MRRF: variants seen among roughly 807,000 people sequenced by gnomAD.
MRRF encodes the protein mitochondrial ribosome recycling factor, also known as ribosome-recycling factor, mitochondrial.
A neutral mutation model predicts 25.1 loss-of-function variants in MRRF; 18 were observed. The observed-to-expected ratio is 0.72, with a 90% CI of 0.50 to 1.06. The LOEUF is 1.06. MRRF is among the 50% of genes least tolerant of loss of function. The probability of loss-of-function intolerance (pLI) is 0.00; values close to 1 mark genes in which losing one functional copy is unlikely to be tolerated. For missense variants in MRRF, 323 were observed against 319.3 expected, an observed-to-expected ratio of 1.01 and a Z score of -0.09; for synonymous variants, 113 against 112.1, an observed-to-expected ratio of 1.01 and a Z score of -0.05.
At chr9:122,306,772 G>A (rs1834875074) in intron 5 of MRRF, among the ~76,000 whole-genome samples, 1 of 152,174 alleles carries the variant, frequency 6.6e-6, no homozygotes, top group African/African-American at 2.4e-5. Flanking sequence ...GAGAAGACAA[G>A]TGACTTAAGA....
chr9:122,269,984 C>T (rs562185934), intron 1 of MRRF, among the ~76,000 whole-genome samples: 8 of 151,894 alleles, frequency 5.3e-5, no homozygotes, highest in Middle Eastern at 3.4e-3. Flanking sequence ...GTCTTCCTGA[C>T]GGCAAAGCCC....
intron 4 of MRRF, 188 bp downstream of exon 4, chr9:122,285,475 A>G (rs1412804837): frequency 7.9e-6 from 5 of 630,828 alleles, no homozygotes; most frequent in African/African-American, 7.3e-5. Context: ...CTCAGATGCT[A>G]CAGAGGCTAG....
intron 1 of MRRF, among the ~76,000 whole-genome samples, chr9:122,266,355 C>T (rs991095049): frequency 1.3e-5 from 2 of 152,144 alleles, no homozygotes; most frequent in African/African-American, 4.8e-5. Flanking sequence ...CCAAGGAAGC[C>T]GTCCTCTGAG....
intron 5 of MRRF, among the ~76,000 whole-genome samples, chr9:122,299,220 G>A (rs1156964474): frequency 1.3e-5 from 2 of 151,428 alleles, no homozygotes; most frequent in Non-Finnish European, 2.9e-5. Context: ...GTGAAACCCT[G>A]TCTCCACTAC....
intron 3 of MRRF, among the ~76,000 whole-genome samples, chr9:122,283,092 ATTTT>A (rs546491734): frequency 7.2e-6 from 1 of 139,218 alleles, no homozygotes. Flanking sequence ...TATAAGTACA[ATTTT>A]TTTTTTTTTT....
intron 2 of MRRF, among the ~76,000 whole-genome samples, chr9:122,273,609 A>G (rs1832598948): frequency 6.6e-6 from 1 of 152,152 alleles, no homozygotes; most frequent in Non-Finnish European, 1.5e-5. Context: ...TGCTTCAGTG[A>G]ATTTTCACAA....
Position 122,270,994 on chromosome 9 carries a change from C to T in MRRF, c.103C>T (p.His35Tyr). 1 of 1,614,138 alleles carries T rather than the reference C, an allele frequency of 6.2e-7. No individual in the cohort carries two copies. The highest frequency in any genetic ancestry group is 8.5e-7 in the Non-Finnish European group (1 of 1,179,980). Residue 35 changes from histidine (H) to tyrosine (Y), a missense_variant, in exon 2 of 7, where the codon CAT becomes TAT. His to Tyr is a moderately conservative substitution (Grantham distance 83). Transcript: ENST00000344641. ...PVSEVTLKTVHERQHGHRQYM... is the reference protein window; with the variant it reads ...PVSEVTLKTVYERQHGHRQYM... ...TTCAGAAGTTACACTGAAGACAGTGCATGAAAGACAACATGGCCATAGGCA... is the reference window on the plus strand; with the variant it reads ...TTCAGAAGTTACACTGAAGACAGTGTATGAAAGACAACATGGCCATAGGCA...
At chr9:122,273,865 G>A (rs1588007833) in intron 2 of MRRF, among the ~76,000 whole-genome samples, 1 of 152,192 alleles carries the variant, frequency 6.6e-6, no homozygotes, top group East Asian at 1.9e-4. Context: ...ATGGTTGTTT[G>A]TGCATTTTTA....
At chr9:122,291,027 C>T (rs1833724507) in intron 4 of MRRF, among the ~76,000 whole-genome samples, 1 of 152,116 alleles carries the variant, frequency 6.6e-6, no homozygotes, top group Non-Finnish European at 1.5e-5. Context: ...TACTATGTCC[C>T]AGGCACAGAG....
chr9:122,273,633 A>G (rs1832600471), intron 2 of MRRF, among the ~76,000 whole-genome samples: 1 of 152,166 alleles, frequency 6.6e-6, no homozygotes. Flanking sequence ...GAACACAATC[A>G]TGTACTTATT....
In MRRF at chr9:122,329,569, C is replaced by T. The variant is rs1188213510; in HGVS notation, c.*6952C>T. 2 of 152,296 alleles carry T rather than the reference C, an allele frequency of 1.3e-5. No homozygotes were observed. The highest frequency in any genetic ancestry group is 4.8e-5 in the African/African-American group (2 of 41,456). The allele number at this position is 152,296 out of a possible 1,614,324, so 9.4% of individuals were successfully genotyped here. A position where few individuals can be genotyped will look rare whatever the true frequency, so the allele number is the denominator to read the frequency against. On this transcript the variant is annotated 3_prime_UTR_variant, in exon 7 of 7. Transcript: ENST00000344641. ...GTTTCCTCTCTCAGGAAAAGCCTCA[C>T]CATCCACCCAGGTGCCAAGCCAGGA...
intron 5 of MRRF, among the ~76,000 whole-genome samples, chr9:122,309,160 T>A (rs562097157): frequency 6.6e-6 from 1 of 152,336 alleles, no homozygotes; most frequent in Admixed American, 6.5e-5. Context: ...GAGTCTGGCA[T>A]ATTTCACTTA....
At chr9:122,269,331 G>A (rs1042289354) in intron 1 of MRRF, among the ~76,000 whole-genome samples, 1 of 152,068 alleles carries the variant, frequency 6.6e-6, no homozygotes, top group Non-Finnish European at 1.5e-5. Context: ...AGAGTAAATT[G>A]CCTAAAGTTG....
At chr9:122,310,534 A>T (rs1372348549) in intron 5 of MRRF, among the ~76,000 whole-genome samples, 1 of 152,214 alleles carries the variant, frequency 6.6e-6, no homozygotes, top group Non-Finnish European at 1.5e-5. Flanking sequence ...TCCAAATCTC[A>T]AGATAGAAGT....
At chr9:122,293,414 T>C (rs1331608994) in intron 5 of MRRF, among the ~76,000 whole-genome samples, 1 of 152,206 alleles carries the variant, frequency 6.6e-6, no homozygotes, top group Non-Finnish European at 1.5e-5. Flanking sequence ...GTTTAGTTGA[T>C]AACAAAGCCT....
chr9:122,309,374 T>C (rs1037074534), intron 5 of MRRF, among the ~76,000 whole-genome samples: 97 of 152,300 alleles, frequency 6.4e-4, no homozygotes, highest in African/African-American at 2.3e-3. Flanking sequence ...CTCTCCACCC[T>C]TCTCTTTTGG....
chr9:122,313,730 G>C (rs1199956710), intron 6 of MRRF, among the ~76,000 whole-genome samples: 1 of 152,120 alleles, frequency 6.6e-6, no homozygotes, highest in Non-Finnish European at 1.5e-5. Flanking sequence ...GTAGAAATCG[G>C]ATCCATACTT....
intron 4 of MRRF, 115 bp downstream of exon 4, chr9:122,285,402 A>T: frequency 1.2e-6 from 1 of 802,458 alleles, no homozygotes. Flanking sequence ...AGAAGACATA[A>T]TAAAGAGAAC....
At chr9:122,269,652 G>GGGA (rs1832329611) in intron 1 of MRRF, among the ~76,000 whole-genome samples, 1 of 152,154 alleles carries the variant, frequency 6.6e-6, no homozygotes, top group South Asian at 2.1e-4. Flanking sequence ...GCTTGAACCT[G>GGGA]GGAGTGGAGG....
Sources: allele counts gnomAD v4.1 joint callset (sites outside exome capture counted in the v4.1 genomes callset), GRCh38; gene constraint gnomAD v4.1.1; transcripts MANE v1.5; gene names NCBI Gene and HGNC (gene_info 2026-07-23, HGNC 2026-07-21).